Variants in SCMH1 observed in about 807,000 individuals in gnomAD.
SCMH1 encodes the protein polycomb protein SCMH1.
SCMH1 carries 37 observed loss-of-function variants against 70.8 expected under a neutral mutation model. The observed-to-expected ratio is 0.52, with a 90% CI of 0.40 to 0.69. The LOEUF (loss-of-function observed/expected upper bound fraction) is 0.69. SCMH1 is among the 30% of genes least tolerant of loss of function. The pLI is 0.00. For synonymous variants in SCMH1, 292 were observed against 307.4 expected, an observed-to-expected ratio of 0.95 and a Z score of 0.52; for missense variants, 607 against 827.3, an observed-to-expected ratio of 0.73 and a Z score of 3.27.
intron 1 of SCMH1, among the ~76,000 whole-genome samples, chr1:41,197,781 T>C (rs908819429): frequency 1.3e-5 from 2 of 152,316 alleles, no homozygotes; most frequent in Admixed American, 1.3e-4. Context: ...AAGAGCTTCA[T>C]GGGGACTTTC....
intron 6 of SCMH1, among the ~76,000 whole-genome samples, chr1:41,140,634 A>G (rs1643970369): frequency 6.6e-6 from 1 of 152,108 alleles, no homozygotes; most frequent in Non-Finnish European, 1.5e-5. Flanking sequence ...CTATACCAAA[A>G]AGACTAGAAA....
intron 8 of SCMH1, among the ~76,000 whole-genome samples, chr1:41,083,340 C>CAG: frequency 6.6e-6 from 1 of 152,266 alleles, no homozygotes; most frequent in Admixed American, 6.5e-5. Context: ...ATCAGACAAA[C>CAG]AGAGAGCCAA....
intron 1 of SCMH1, among the ~76,000 whole-genome samples, chr1:41,207,251 G>T (rs1445606030): frequency 6.6e-6 from 1 of 152,118 alleles, no homozygotes; most frequent in Non-Finnish European, 1.5e-5. Flanking sequence ...TGGCAAATTG[G>T]ATAAAGAGTC....
At chr1:41,059,848 A>G (rs937932258) in intron 10 of SCMH1, among the ~76,000 whole-genome samples, 17 of 152,278 alleles carry the variant, frequency 1.1e-4, no homozygotes, top group Admixed American at 1.0e-3. Flanking sequence ...CGGCGCTGAA[A>G]AGACAAGCCA....
intron 10 of SCMH1, among the ~76,000 whole-genome samples, chr1:41,064,689 G>A (rs1418548433): frequency 6.6e-6 from 1 of 152,178 alleles, no homozygotes; most frequent in East Asian, 1.9e-4. Context: ...GAAGCAGGAG[G>A]ATTGTTTGAG....
intron 8 of SCMH1, among the ~76,000 whole-genome samples, chr1:41,082,385 G>A (rs1170143034): frequency 6.6e-6 from 1 of 152,172 alleles, no homozygotes; most frequent in Non-Finnish European, 1.5e-5. Flanking sequence ...AACTCCACAA[G>A]CCAGAAGAGA....
chr1:41,217,242 C>T (rs1371742783), intron 1 of SCMH1, among the ~76,000 whole-genome samples: 4 of 152,070 alleles, frequency 2.6e-5, no homozygotes, highest in East Asian at 1.9e-4. Context: ...AAAACTTGTC[C>T]GAATTATGTT....
chr1:41,165,297 G>T (rs1345432785), intron 2 of SCMH1, among the ~76,000 whole-genome samples: 8 of 152,010 alleles, frequency 5.3e-5, no homozygotes. Context: ...GGACACTTAA[G>T]TTATTCCCAT....
intron 10 of SCMH1, among the ~76,000 whole-genome samples, chr1:41,064,900 G>T (rs1654047256): frequency 2.0e-5 from 3 of 152,064 alleles, no homozygotes; most frequent in Admixed American, 2.0e-4. Flanking sequence ...GGGCAACACA[G>T]CAAGACCCTA....
At chr1:41,188,564 C>T (rs1650861668) in intron 1 of SCMH1, among the ~76,000 whole-genome samples, 2 of 152,096 alleles carry the variant, frequency 1.3e-5, no homozygotes, top group African/African-American at 2.4e-5. Flanking sequence ...TGTGGCTACT[C>T]ATTGCATAGT....
At chr1:41,155,414 A>G (rs1308336896) in intron 4 of SCMH1, among the ~76,000 whole-genome samples, 1 of 152,120 alleles carries the variant, frequency 6.6e-6, no homozygotes. Context: ...GCCCACATGG[A>G]GCTTACAACA....
At chr1:41,190,742 G>C (rs2148663799) in intron 1 of SCMH1, among the ~76,000 whole-genome samples, 1 of 152,290 alleles carries the variant, frequency 6.6e-6, no homozygotes, top group East Asian at 1.9e-4. Context: ...TTACAGAAGT[G>C]TGATATGGGG....
intron 6 of SCMH1, among the ~76,000 whole-genome samples, chr1:41,137,715 A>G (rs1643585403): frequency 6.6e-6 from 1 of 152,198 alleles, no homozygotes; most frequent in Non-Finnish European, 1.5e-5. Flanking sequence ...ACATAGCACC[A>G]CAGTGATTTC....
chr1:41,167,846 T>G (rs540481027), intron 2 of SCMH1, among the ~76,000 whole-genome samples: 1 of 152,188 alleles, frequency 6.6e-6, no homozygotes, highest in African/African-American at 2.4e-5. Context: ...GAGAAAGTCT[T>G]GATCATCCCT....
intron 6 of SCMH1, among the ~76,000 whole-genome samples, chr1:41,141,217 A>C (rs969812547): frequency 6.6e-6 from 1 of 152,268 alleles, no homozygotes. Flanking sequence ...TATAGATTTA[A>C]ATCAGGGGCA....
chr1:41,065,364 G>C (rs897250595), intron 10 of SCMH1, among the ~76,000 whole-genome samples: 2 of 152,092 alleles, frequency 1.3e-5, no homozygotes, highest in Admixed American at 6.5e-5. Flanking sequence ...AGCTACTCTG[G>C]AGGCTGAGGT....
chr1:41,174,261 ATTTTTTT>A (rs140469563), intron 2 of SCMH1, among the ~76,000 whole-genome samples: 1 of 141,786 alleles, frequency 7.1e-6, no homozygotes, highest in Non-Finnish European at 1.5e-5. Flanking sequence ...AAAGTCTCCA[ATTTTTTT>A]TTTTTTTTTT....
intron 6 of SCMH1, among the ~76,000 whole-genome samples, chr1:41,140,477 G>C (rs921647173): frequency 9.9e-5 from 15 of 152,164 alleles, no homozygotes; most frequent in Admixed American, 9.2e-4. Flanking sequence ...ATTTTCAGTA[G>C]AGACGAGGTT....
At chr1:41,079,320 C>T (rs1659277939) in intron 8 of SCMH1, among the ~76,000 whole-genome samples, 1 of 149,868 alleles carries the variant, frequency 6.7e-6, no homozygotes, top group Non-Finnish European at 1.5e-5. Flanking sequence ...GTAAAACAGT[C>T]AGTAGGAATA....
Sources: gnomAD v4.1 joint callset for allele counts (sites outside exome capture counted in the v4.1 genomes callset) on GRCh38, gnomAD v4.1.1 for gene constraint, MANE v1.5 for transcripts, NCBI Gene and HGNC (gene_info 2026-07-23, HGNC 2026-07-21) for gene names.